The following XKR4 variants were observed in gnomAD, a reference collection of about 807,000 sequenced individuals.
XKR4 encodes XK-related protein 4.
Under a neutral mutation model 53.9 loss-of-function variants are expected in XKR4, and 12 were observed. The observed-to-expected ratio is 0.22, with a 90% CI of 0.14 to 0.36. The LOEUF (loss-of-function observed/expected upper bound fraction) is 0.36. Among genes scored for constraint, XKR4 ranks in the 10% least tolerant of loss-of-function variants. The pLI, the probability that XKR4 is intolerant of heterozygous loss-of-function variation, is 1.00. For missense variants in XKR4, 799 were observed against 859.5 expected (o/e 0.93, Z 0.88); for synonymous variants, 354 against 362.4 (o/e 0.98, Z 0.26).
intron 2 of XKR4, chr8:55,454,554 C>CA (rs1805526278): frequency 2.1e-6 from 3 of 1,434,050 alleles, no homozygotes; most frequent in Non-Finnish European, 1.9e-6. Context: ...TGCTGATGGG[C>CA]AGGGAGTCGG....
chr8:55,389,873 T>A (rs1046589760), intron 2 of XKR4, among the ~76,000 whole-genome samples: 1 of 152,218 alleles, frequency 6.6e-6, no homozygotes, highest in Non-Finnish European at 1.5e-5. Context: ...AGGTTCCTAG[T>A]GCCTACTGGA....
chr8:55,465,979 A>G (rs1254802774), intron 2 of XKR4, among the ~76,000 whole-genome samples: 1 of 152,106 alleles, frequency 6.6e-6, no homozygotes, highest in Non-Finnish European at 1.5e-5. Context: ...TTAAAAAGTC[A>G]GGAAACAACA....
Position 55,531,856 on chromosome 8 carries a change from T to G in XKR4, c.*7629T>G, listed in dbSNP as rs987659198. 1.7e-4 allele frequency: 26 copies of G among 152,398 alleles called. No homozygotes were observed. The highest frequency in any genetic ancestry group is 6.0e-4 in the African/African-American group (25 of 41,586). The allele number at this position is 152,398 out of a possible 1,614,324, so 9.4% of individuals were successfully genotyped here. ...AATTTCTGGACATAAACATGAGCTGTTTCTCTAAAGCCTTTCCTCCAATGC... is the reference window on the plus strand; with the variant it reads ...AATTTCTGGACATAAACATGAGCTGGTTCTCTAAAGCCTTTCCTCCAATGC... On this transcript the variant is annotated 3_prime_UTR_variant, in exon 3 of 3. Coordinates refer to ENST00000327381, the MANE Select transcript of XKR4 (RefSeq NM_052898.2).
At chr8:55,219,505 G>A (rs749769104) in intron 1 of XKR4, among the ~76,000 whole-genome samples, 8 of 152,106 alleles carry the variant, frequency 5.3e-5, no homozygotes, top group Non-Finnish European at 1.0e-4. Context: ...TGCTTACCAA[G>A]GGGCTCCAAA....
intron 2 of XKR4, among the ~76,000 whole-genome samples, chr8:55,440,941 C>G (rs915708954): frequency 2.1e-4 from 32 of 151,800 alleles, no homozygotes. Context: ...CAGCTAGTCA[C>G]GGTGGCTCAT....
chr8:55,175,723 A>G (rs1817222191), intron 1 of XKR4, among the ~76,000 whole-genome samples: 1 of 152,172 alleles, frequency 6.6e-6, no homozygotes, highest in South Asian at 2.1e-4. Flanking sequence ...ATTATGCTCT[A>G]TTTTAGGTTT....
chr8:55,177,685 A>G (rs1485386928), intron 1 of XKR4, among the ~76,000 whole-genome samples: 1 of 152,194 alleles, frequency 6.6e-6, no homozygotes, highest in Non-Finnish European at 1.5e-5. Flanking sequence ...AACACCAACT[A>G]GGGAGATGTC....
chr8:55,441,189 G>A (rs920546349), intron 2 of XKR4, among the ~76,000 whole-genome samples: 1 of 152,076 alleles, frequency 6.6e-6, no homozygotes, highest in Non-Finnish European at 1.5e-5. Flanking sequence ...GCAGTGAACT[G>A]TGATTGGACT....
intron 2 of XKR4, among the ~76,000 whole-genome samples, chr8:55,415,030 T>G (rs1804827940): frequency 6.6e-6 from 1 of 152,244 alleles, no homozygotes; most frequent in Non-Finnish European, 1.5e-5. Context: ...TAGCTGTACA[T>G]ATCTGTTCTT....
intron 1 of XKR4, among the ~76,000 whole-genome samples, chr8:55,179,855 A>G (rs1817283541): frequency 6.6e-6 from 1 of 152,242 alleles, no homozygotes; most frequent in Non-Finnish European, 1.5e-5. Flanking sequence ...CTAATATCAC[A>G]TTATAATAAA....
intron 2 of XKR4, among the ~76,000 whole-genome samples, chr8:55,501,685 C>CAT (rs35759515): frequency 9.6e-4 from 144 of 150,738 alleles, no homozygotes; most frequent in African/African-American, 1.9e-3. Flanking sequence ...TAAATACATA[C>CAT]ATATATATAT....
chr8:55,187,323 AAAG>A (rs1563478329), intron 1 of XKR4, among the ~76,000 whole-genome samples: 2 of 151,550 alleles, frequency 1.3e-5, no homozygotes, highest in African/African-American at 2.4e-5. Flanking sequence ...AAAAAAAAAA[AAAG>A]AAGAAGAATA....
chr8:55,330,669 T>C (rs113118394), intron 1 of XKR4, among the ~76,000 whole-genome samples: 143 of 152,290 alleles, frequency 9.4e-4, no homozygotes, highest in African/African-American at 3.2e-3. Context: ...CTTCCTGGAA[T>C]CTTCACCTAC....
intron 1 of XKR4, among the ~76,000 whole-genome samples, chr8:55,253,731 CTTTTT>C (rs67608017): frequency 1.8e-5 from 2 of 113,708 alleles, no homozygotes; most frequent in Non-Finnish European, 1.9e-5. Context: ...ATTTTCTTTT[CTTTTT>C]TTTTTTTTTT....
At chr8:55,342,570 C>G (rs552645822) in intron 1 of XKR4, among the ~76,000 whole-genome samples, 5 of 152,116 alleles carry the variant, frequency 3.3e-5, no homozygotes, top group African/African-American at 1.2e-4. Context: ...TGCCCCCCAC[C>G]GATCTGCTCC....
chr8:55,253,384 A>G (rs1818387409), intron 1 of XKR4, among the ~76,000 whole-genome samples: 1 of 152,214 alleles, frequency 6.6e-6, no homozygotes, highest in Non-Finnish European at 1.5e-5. Flanking sequence ...ATGGCAGGGA[A>G]GCCACACTTT....
chr8:55,156,442 G>A (rs1220020576), intron 1 of XKR4, among the ~76,000 whole-genome samples: 1 of 133,114 alleles, frequency 7.5e-6, no homozygotes, highest in Non-Finnish European at 1.6e-5. Flanking sequence ...GGGAGGAAGG[G>A]CGGGGGTGGG....
chr8:55,289,622 AAAGAAAGAAAGAAAGAAAGAAAGAAAGG>A (rs1818959508), intron 1 of XKR4, among the ~76,000 whole-genome samples: 3 of 140,142 alleles, frequency 2.1e-5, no homozygotes, highest in Non-Finnish European at 3.1e-5. Flanking sequence ...AGAAAGAAAG[AAAGAAAGAAAGAAAGAAAGAAAGAAAGG>A]AAGGAAGGAA....
intron 2 of XKR4, among the ~76,000 whole-genome samples, chr8:55,482,285 C>T (rs984073175): frequency 2.0e-5 from 3 of 152,076 alleles, no homozygotes; most frequent in African/African-American, 7.2e-5. Context: ...TCTCAGCAAA[C>T]TATTGCAAGG....
Sources: allele counts gnomAD v4.1 joint callset (sites outside exome capture counted in the v4.1 genomes callset), GRCh38; gene constraint gnomAD v4.1.1; transcripts MANE v1.5; gene names NCBI Gene and HGNC (gene_info 2026-07-23, HGNC 2026-07-21).